MACF1: variants seen among roughly 807,000 people sequenced by gnomAD.
The protein encoded by MACF1 is microtubule-actin cross-linking factor 1.
A neutral mutation model predicts 854.8 loss-of-function variants in MACF1; 193 were observed. The observed-to-expected ratio is 0.23, with a 90% CI of 0.20 to 0.25. The LOEUF is 0.25. MACF1 is among the 10% of genes least tolerant of loss of function. The pLI is 1.00. For missense variants in MACF1, 7,722 were observed against 8,929.1 expected (o/e 0.86, Z 5.45); for synonymous variants, 3,185 against 3,226.7 (o/e 0.99, Z 0.44).
Position 39,318,506 on chromosome 1 carries a change from A to G in MACF1, c.3836A>G (p.His1279Arg), listed in dbSNP as rs1304634649. The G allele has an allele frequency of 3.1e-6, 5 of 1,613,980 alleles. No individual in the cohort carries two copies. The East Asian group carries it at 8.9e-5, about 29-fold the overall frequency. Residue 1279 changes from histidine to arginine, a missense_variant, in exon 30 of 101, where the codon CAT becomes CGT. Coordinates refer to ENST00000564288, the MANE Select transcript of MACF1 (RefSeq NM_001394062.1). ...GTTCTGGGAGATTACCGAGCCTGCCATGGAACTCTCATCAAGTGGATTGAG... is the reference window on the plus strand; with the variant it reads ...GTTCTGGGAGATTACCGAGCCTGCCGTGGAACTCTCATCAAGTGGATTGAG... ...QEVLGDYRAC[H>R]GTLIKWIEET... is the part of the protein sequence containing the mutation.
chr1:39,145,855 C>G (rs772840478), intron 2 of MACF1, among the ~76,000 whole-genome samples: 6 of 152,296 alleles, frequency 3.9e-5, no homozygotes, highest in Non-Finnish European at 8.8e-5. Context: ...AGCTTTTCCC[C>G]CAGGTCCAAA....
intron 1 of MACF1, among the ~76,000 whole-genome samples, chr1:39,208,485 A>C: frequency 6.6e-6 from 1 of 151,760 alleles, no homozygotes; most frequent in African/African-American, 2.4e-5. Context: ...ACCGAGTCTC[A>C]CTTTGTCACC....
At chr1:39,090,107 G>A (rs1641767214) in intron 2 of MACF1, among the ~76,000 whole-genome samples, 2 of 152,188 alleles carry the variant, frequency 1.3e-5, no homozygotes, top group Non-Finnish European at 2.9e-5. Context: ...TGGCCAAGCC[G>A]TGAGTGGGAA....
intron 3 of MACF1, 165 bp downstream of exon 3, chr1:39,250,268 A>G (rs1017238127): frequency 6.9e-6 from 3 of 432,366 alleles, no homozygotes; most frequent in Non-Finnish European, 1.2e-5. Flanking sequence ...CAGACTTAGA[A>G]TTTACAAATT....
chr1:39,413,916 C>A (rs1345053739), intron 58 of MACF1: 3 of 1,606,964 alleles, frequency 1.9e-6, no homozygotes, highest in East Asian at 4.5e-5. Context: ...AATTCACTTC[C>A]CCGGCAGCTT....
chr1:39,187,416 C>T (rs1156460562), intron 2 of MACF1, among the ~76,000 whole-genome samples: 1 of 152,164 alleles, frequency 6.6e-6, no homozygotes, highest in East Asian at 1.9e-4. Context: ...GGATGGGTTG[C>T]TCTTAAAGCC....
At chr1:39,314,426 A>G (rs1646366829) in intron 26 of MACF1, among the ~76,000 whole-genome samples, 1 of 152,112 alleles carries the variant, frequency 6.6e-6, no homozygotes, top group Non-Finnish European at 1.5e-5. Context: ...AAAAAAAGAA[A>G]ACATATATTT....
rs376309550 is a variant in MACF1, at chr1:39,235,155, G to T, written c.171+3912G>T. 3.3e-5 allele frequency among the ~76,000 whole-genome samples: 5 copies of T among 152,312 alleles called. No individual in the cohort carries two copies. The East Asian group carries it at 7.7e-4, about 24-fold the overall frequency. Reference sequence around the variant, plus strand: ...GGCACTTTGGGAGGCCAAGGCAGGCGGCTGGGAGGTGGAGGTTGTAGCGAG... The same window carrying T: ...GGCACTTTGGGAGGCCAAGGCAGGCTGCTGGGAGGTGGAGGTTGTAGCGAG... On this transcript the variant is annotated intron_variant, in intron 2 of 100. Coordinates refer to ENST00000564288, the MANE Select transcript of MACF1 (RefSeq NM_001394062.1).
intron 66 of MACF1, among the ~76,000 whole-genome samples, chr1:39,431,132 GAGA>G (rs1321455162): frequency 6.6e-6 from 1 of 152,174 alleles, no homozygotes; most frequent in Non-Finnish European, 1.5e-5. Context: ...GAAGTACTTG[GAGA>G]AGAGTCTACA....
chr1:39,107,946 G>A (rs190408062), intron 2 of MACF1, among the ~76,000 whole-genome samples: 18 of 152,288 alleles, frequency 1.2e-4, no homozygotes, highest in African/African-American at 4.3e-4. Context: ...TGGGAGAAGG[G>A]CAGTAATGTA....
At chr1:39,313,626 T>A (rs561806112) in intron 26 of MACF1, among the ~76,000 whole-genome samples, 2 of 152,188 alleles carry the variant, frequency 1.3e-5, no homozygotes, top group African/African-American at 4.8e-5. Context: ...TACTCATGGA[T>A]TCTTATTTTA....
At position 39,335,082 on chromosome 1, in the gene MACF1, G is replaced by A; in HGVS notation, c.8494G>A (p.Asp2832Asn). 6.2e-7 allele frequency: 1 copy of A among 1,614,122 alleles called. No homozygotes were observed. The highest frequency in any genetic ancestry group is 8.5e-7 in the Non-Finnish European group (1 of 1,179,984). The change falls in exon 37 of 101, where the codon GAT (aspartate) becomes AAT (asparagine). Residue 2832 changes from aspartate (D) to asparagine (N), a missense_variant. Coordinates refer to ENST00000564288, the MANE Select transcript of MACF1 (RefSeq NM_001394062.1). ...AQEKVKVRVS[D>N]GEQAKKSREI... ...AGAAAAGGTTAAAGTGAGAGTTTCT[G>A]ATGGGGAGCAGGCAAAAAAGAGCAG...
Position 39,318,635 on chromosome 1 carries a change from T to C in MACF1, c.3945+20T>C. 6.4e-7 allele frequency: 1 copy of C among 1,558,176 alleles called. No homozygotes were observed. The highest frequency in any genetic ancestry group is 8.7e-7 in the Non-Finnish European group (1 of 1,153,836). ...CAGACGGTGAGTGTGGTAGTAGCTCTGGCGAGAAGAGTTAGAAATTTAAAT... is the reference window on the plus strand; with the variant it reads ...CAGACGGTGAGTGTGGTAGTAGCTCCGGCGAGAAGAGTTAGAAATTTAAAT... On this transcript the variant is annotated intron_variant, in intron 30 of 100. Transcript: ENST00000564288.
chr1:39,358,270 G>C (rs1243609402), intron 45 of MACF1, among the ~76,000 whole-genome samples: 3 of 152,150 alleles, frequency 2.0e-5, no homozygotes, highest in Non-Finnish European at 4.4e-5. Context: ...AGAGCATCTA[G>C]GGTGAATCCT....
At chr1:39,407,666 C>T (rs968135559) in intron 58 of MACF1, among the ~76,000 whole-genome samples, 40 of 152,322 alleles carry the variant, frequency 2.6e-4, no homozygotes, top group African/African-American at 9.6e-4. Flanking sequence ...GCGCACTTCT[C>T]ATTTTTGCCA....
Position 39,317,299 on chromosome 1 carries a change from A to G in MACF1, c.3674A>G (p.Gln1225Arg). 1 of 1,614,168 alleles carries G rather than the reference A, an allele frequency of 6.2e-7. No individual in the cohort carries two copies. Among genetic ancestry groups the G allele is most frequent in the Non-Finnish European group, 8.5e-7 (1 of 1,180,036 alleles). Residue 1225 changes from glutamine (Q) to arginine (R), a missense_variant, in exon 29 of 101, where the codon CAG (glutamine) becomes CGG (arginine). Physicochemically the swap from Gln to Arg is conservative, Grantham distance 43. This residue lies in a region of MACF1 where 1,137 missense variants were observed against 1,263.0 expected (regional missense o/e 0.90). Coordinates refer to ENST00000564288, the MANE Select transcript of MACF1 (RefSeq NM_001394062.1). ...EIAKAKVVAEQMSRLTPERNL... is the reference protein window; with the variant it reads ...EIAKAKVVAERMSRLTPERNL... ...GCCAAGGCCAAGGTAGTGGCAGAGC[A>G]GATGAGTCGTCTGACACCAGAGCGA...
intron 2 of MACF1, 172 bp from the exon 3 acceptor site, chr1:39,249,842 C>G (rs1645021056): frequency 4.0e-6 from 2 of 502,184 alleles, no homozygotes; most frequent in South Asian, 2.8e-5. Context: ...AAAGTATTAT[C>G]ATTTCACATG....
Position 39,335,302 on chromosome 1 carries a change from A to T in MACF1, c.8714A>T (p.Asp2905Val), listed in dbSNP as rs747042564. Residue 2905 changes from aspartate (D) to valine (V), a missense_variant, in exon 37 of 101, where the codon GAT (aspartate) becomes GTT (valine). This residue lies in a region of MACF1 where 854 missense variants were observed against 852.6 expected (regional missense o/e 1.00). Coordinates refer to ENST00000564288, the MANE Select transcript of MACF1 (RefSeq NM_001394062.1). ...GTGGCTAGAAATAACATGGGAAATG[A>T]TACAAATGAAGAGCAGGAAAAAGCA... ...KEVARNNMGNDTNEEQEKAVT... is the reference protein window; with the variant it reads ...KEVARNNMGNVTNEEQEKAVT... 9 of 1,614,150 alleles carry T rather than the reference A, an allele frequency of 5.6e-6. No individual in the cohort carries two copies. Among genetic ancestry groups the T allele is most frequent in the Non-Finnish European group, 7.6e-6 (9 of 1,180,002 alleles).
Position 39,334,360 on chromosome 1 carries a change from A to C in MACF1, c.7772A>C (p.Gln2591Pro), listed in dbSNP as rs950085592. Residue 2591 changes from glutamine (Q) to proline (P), a missense_variant, in exon 37 of 101, where the codon CAG becomes CCG. Physicochemically the swap from Gln to Pro is moderately conservative, Grantham distance 76. Transcript: ENST00000564288. ...TGNFVDLISG[Q>P]RLTLAEAKKE... is the part of the protein sequence containing the mutation. ...AACTTTGTGGATCTCATTTCTGGTC[A>C]GAGATTGACCTTGGCAGAAGCTAAA... The C allele has an allele frequency of 9.9e-6, 16 of 1,614,008 alleles. 1 individual carries two copies. The Admixed American group carries it at 2.7e-4, about 27-fold the overall frequency.
Sources: allele counts gnomAD v4.1 joint callset (sites outside exome capture counted in the v4.1 genomes callset), GRCh38; gene constraint gnomAD v4.1.1; regional missense constraint gnomAD v4.1.1; transcripts MANE v1.5; gene names NCBI Gene and HGNC (gene_info 2026-07-23, HGNC 2026-07-21).